NUDT3: variants seen among roughly 807,000 people sequenced by gnomAD.
NUDT3 encodes the protein diphosphoinositol polyphosphate phosphohydrolase 1.
Under a neutral mutation model 23.6 loss-of-function variants are expected in NUDT3, and 9 were observed. The ratio of observed to expected loss-of-function variants is 0.38; its 90% CI spans 0.23 to 0.66. NUDT3 has a LOEUF of 0.66. Among genes scored for constraint, NUDT3 ranks in the 30% least tolerant of loss-of-function variants. NUDT3 has a pLI of 0.52. For synonymous variants in NUDT3, 86 were observed against 82.6 expected, an observed-to-expected ratio of 1.04 and a Z score of -0.22; for missense variants, 172 against 218.5, an observed-to-expected ratio of 0.79 and a Z score of 1.34.
intron 1 of NUDT3, among the ~76,000 whole-genome samples, chr6:34,364,663 G>A (rs1434652750): frequency 6.6e-6 from 1 of 152,120 alleles, no homozygotes; most frequent in Non-Finnish European, 1.5e-5. Context: ...ACTCAGGCAG[G>A]GCCTAAGAAC....
At chr6:34,327,541 A>AAAAG (rs938376748) in intron 2 of NUDT3, among the ~76,000 whole-genome samples, 2 of 151,950 alleles carry the variant, frequency 1.3e-5, no homozygotes, top group African/African-American at 4.8e-5. Context: ...AAAAAAAAAA[A>AAAAG]AAAGAAAGAA....
chr6:34,329,655 AT>A (rs958915368), intron 2 of NUDT3, among the ~76,000 whole-genome samples: 5 of 151,786 alleles, frequency 3.3e-5, no homozygotes, highest in Non-Finnish European at 5.9e-5. Flanking sequence ...TTAAAAAAAA[AT>A]TTTTTTTTAT....
chr6:34,344,034 A>G (rs952570185), intron 1 of NUDT3, among the ~76,000 whole-genome samples: 17 of 152,224 alleles, frequency 1.1e-4, no homozygotes, highest in African/African-American at 3.9e-4. Flanking sequence ...ACCAAACAGC[A>G]TAAGAAGTGC....
At position 34,310,841 on chromosome 6, in the gene NUDT3, C is replaced by T. The variant is rs182776747; in HGVS notation, c.211-15156G>A. ...GGATTTATCTCTCCCAAGGCTGGTT[C>T]GATGTTCAATAATCAATTAATGTAT... On this transcript the variant is annotated intron_variant, in intron 2 of 4. Coordinates refer to ENST00000607016, the MANE Select transcript of NUDT3 (RefSeq NM_006703.4). Among the ~76,000 whole-genome samples the T allele has an allele frequency of 7.4e-4, 113 of 152,134 alleles. No homozygotes were observed. The East Asian group carries it at 0.011, about 15-fold the overall frequency.
chr6:34,314,309 T>C (rs1031506562), intron 2 of NUDT3, among the ~76,000 whole-genome samples: 1 of 151,508 alleles, frequency 6.6e-6, no homozygotes, highest in African/African-American at 2.4e-5. Context: ...TCCCAGCACT[T>C]TGGAAGGCCG....
chr6:34,298,300 G>GC (rs1447767527), intron 2 of NUDT3, among the ~76,000 whole-genome samples: 9 of 152,254 alleles, frequency 5.9e-5, no homozygotes, highest in Admixed American at 2.0e-4. Flanking sequence ...AGTCAAGGCT[G>GC]CAGTGAGCCA....
chr6:34,369,084 G>A (rs1162554548), intron 1 of NUDT3, among the ~76,000 whole-genome samples: 3 of 151,460 alleles, frequency 2.0e-5, no homozygotes, highest in Admixed American at 1.3e-4. Flanking sequence ...ATAGACCACT[G>A]GTTGAACACA....
intron 2 of NUDT3, among the ~76,000 whole-genome samples, chr6:34,335,140 T>C (rs1444781235): frequency 2.0e-5 from 3 of 152,194 alleles, no homozygotes; most frequent in Non-Finnish European, 4.4e-5. Context: ...GTGAACCTAC[T>C]AGAAGGAATC....
chr6:34,337,833 C>T (rs1421123405), intron 2 of NUDT3, among the ~76,000 whole-genome samples: 1 of 152,232 alleles, frequency 6.6e-6, no homozygotes, highest in South Asian at 2.1e-4. Flanking sequence ...TTTTTCCTCT[C>T]TCTCTATTCC....
Position 34,392,406 on chromosome 6 carries a change from AG to A in NUDT3, c.-45del. On this transcript the variant is annotated 5_prime_UTR_variant, in exon 1 of 5. Transcript: ENST00000607016. ...GGTGCGGTGCGGGTCGCAGGAGTCG[AG>A]GGGTGGGGAGCCCGCTCTGGACGGC... 2 of 1,483,744 alleles carry A rather than the reference AG, an allele frequency of 1.3e-6. No individual in the cohort carries two copies. The highest frequency in any genetic ancestry group is 1.8e-6 in the Non-Finnish European group (2 of 1,087,644). 91.9% of individuals were successfully genotyped at this position (1,483,744 alleles called of 1,614,324 possible). A position where few individuals can be genotyped will look rare whatever the true frequency, so the allele number is the denominator to read the frequency against.
At chr6:34,322,638 T>A (rs765074555) in intron 2 of NUDT3, among the ~76,000 whole-genome samples, 7 of 152,218 alleles carry the variant, frequency 4.6e-5, no homozygotes, top group Non-Finnish European at 7.3e-5. Flanking sequence ...AACAGTAATG[T>A]GTGAACCTAG....
chr6:34,368,021 T>C (rs560315139), intron 1 of NUDT3, among the ~76,000 whole-genome samples: 36 of 152,282 alleles, frequency 2.4e-4, no homozygotes, highest in Middle Eastern at 3.4e-3. Flanking sequence ...GCCAATATGC[T>C]GAAACCTCGT....
In NUDT3 at chr6:34,285,566, T is replaced by C. The variant is rs951667345; in HGVS notation, c.*3187A>G. On this transcript the variant is annotated 3_prime_UTR_variant, in exon 5 of 5. Transcript: ENST00000607016. ...CATAGGAACCTGTTTCTATCAAGCC[T>C]GAATGAGGTCAGCTCTGGTAGAATT... 2 of 152,226 alleles carry C rather than the reference T, an allele frequency of 1.3e-5. No individual in the cohort carries two copies. Among genetic ancestry groups the C allele is most frequent in the African/African-American group, 4.8e-5 (2 of 41,454 alleles). 9.4% of individuals were successfully genotyped at this position (152,226 alleles called of 1,614,324 possible). A position where few individuals can be genotyped will look rare whatever the true frequency, so the allele number is the denominator to read the frequency against.
intron 2 of NUDT3, among the ~76,000 whole-genome samples, chr6:34,328,442 A>G (rs992630784): frequency 6.6e-6 from 1 of 152,226 alleles, no homozygotes; most frequent in Non-Finnish European, 1.5e-5. Context: ...TTTTCTGATT[A>G]TAAAAATAAT....
intron 4 of NUDT3, 59 bp downstream of exon 4, chr6:34,293,392 G>T: frequency 6.3e-7 from 1 of 1,599,620 alleles, no homozygotes; most frequent in Non-Finnish European, 8.6e-7. Flanking sequence ...GTCATGACCT[G>T]TGGCATGGCA....
At chr6:34,352,633 C>CT (rs1764495298) in intron 1 of NUDT3, among the ~76,000 whole-genome samples, 1 of 152,190 alleles carries the variant, frequency 6.6e-6, no homozygotes, top group Admixed American at 6.5e-5. Context: ...CTCCATAATA[C>CT]ATGCTCAAAC....
At chr6:34,350,002 T>C (rs1462027478) in intron 1 of NUDT3, among the ~76,000 whole-genome samples, 2 of 149,568 alleles carry the variant, frequency 1.3e-5, no homozygotes, top group Admixed American at 1.3e-4. Context: ...GGCAGGAGAA[T>C]GGCGTGAATC....
intron 2 of NUDT3, among the ~76,000 whole-genome samples, chr6:34,299,236 C>T (rs968316276): frequency 1.3e-5 from 2 of 152,122 alleles, no homozygotes; most frequent in African/African-American, 4.8e-5. Flanking sequence ...TAAATTTGGT[C>T]CCATCAGGAT....
intron 2 of NUDT3, among the ~76,000 whole-genome samples, chr6:34,321,580 G>A (rs1161245742): frequency 1.3e-5 from 2 of 152,096 alleles, no homozygotes; most frequent in Non-Finnish European, 2.9e-5. Context: ...AATCAGTGAG[G>A]TATAATATAT....
Sources: allele counts gnomAD v4.1 joint callset (sites outside exome capture counted in the v4.1 genomes callset), GRCh38; gene constraint gnomAD v4.1.1; transcripts MANE v1.5; gene names NCBI Gene and HGNC (gene_info 2026-07-23, HGNC 2026-07-21).